RPS6KC1: variants seen among roughly 807,000 people sequenced by gnomAD.
RPS6KC1 encodes inactive ribosomal protein S6 kinase delta-1.
In RPS6KC1, 54 loss-of-function variants were observed where a neutral mutation model predicts 103.8. The observed-to-expected ratio is 0.52, with a 90% CI of 0.42 to 0.65. The LOEUF is 0.65. RPS6KC1 is among the 30% of genes least tolerant of loss of function. The pLI is 0.00. For synonymous variants in RPS6KC1, 439 were observed against 438.7 expected (o/e 1.00, Z -0.01); for missense variants, 1,151 against 1,253.8 (o/e 0.92, Z 1.24).
At chr1:213,384,282 A>AT in the RPS6KC1 span, among the ~76,000 whole-genome samples, 1,638 of 103,716 alleles carry the variant, frequency 0.016, 18 homozygotes, top group African/African-American at 0.04. Flanking sequence ...TCTCAAAAAA[A>AT]AATATATATA....
the RPS6KC1 span, among the ~76,000 whole-genome samples, chr1:213,324,816 C>T: frequency 2.6e-5 from 4 of 151,900 alleles, no homozygotes; most frequent in Non-Finnish European, 5.9e-5. Flanking sequence ...GCTAGACATT[C>T]TGCTTAGGTG....
At chr1:213,654,507 T>C in the RPS6KC1 span, among the ~76,000 whole-genome samples, 3 of 152,234 alleles carry the variant, frequency 2.0e-5, no homozygotes, top group Non-Finnish European at 4.4e-5. Flanking sequence ...CTTTAAGTAC[T>C]GAAAGTATTT....
chr1:213,227,477 C>G (rs752562685), intron 8 of RPS6KC1, among the ~76,000 whole-genome samples: 2 of 152,250 alleles, frequency 1.3e-5, no homozygotes, highest in Non-Finnish European at 2.9e-5. Flanking sequence ...GGTCAGAAGT[C>G]TGACACAGTT....
At chr1:213,194,224 G>T (rs943550735) in intron 8 of RPS6KC1, among the ~76,000 whole-genome samples, 8 of 152,040 alleles carry the variant, frequency 5.3e-5, no homozygotes, top group Non-Finnish European at 1.0e-4. Flanking sequence ...TGGTTTTCTT[G>T]TAGGCAAAGC....
At chr1:213,653,589 C>T in the RPS6KC1 span, among the ~76,000 whole-genome samples, 1 of 152,100 alleles carries the variant, frequency 6.6e-6, no homozygotes, top group African/African-American at 2.4e-5. Flanking sequence ...TTCTTAGGCT[C>T]TTTAACCTAT....
chr1:213,390,669 T>C, the RPS6KC1 span, among the ~76,000 whole-genome samples: 22 of 152,294 alleles, frequency 1.4e-4, no homozygotes, highest in East Asian at 4.3e-3. Context: ...ATTTGGTGCA[T>C]CTACCCATCT....
At chr1:213,740,541 C>T in the RPS6KC1 span, among the ~76,000 whole-genome samples, 1 of 151,964 alleles carries the variant, frequency 6.6e-6, no homozygotes, top group South Asian at 2.1e-4. Flanking sequence ...TCCTTGAAGA[C>T]ATTCACATCT....
At chr1:213,635,041 G>A in the RPS6KC1 span, among the ~76,000 whole-genome samples, 8 of 151,994 alleles carry the variant, frequency 5.3e-5, no homozygotes, top group East Asian at 1.9e-4. Flanking sequence ...ATAAATTCCC[G>A]GACACATACA....
intron 8 of RPS6KC1, among the ~76,000 whole-genome samples, chr1:213,183,690 C>T (rs1393418807): frequency 1.3e-5 from 2 of 151,878 alleles, no homozygotes; most frequent in African/African-American, 4.8e-5. Flanking sequence ...ATGATTATAT[C>T]AGAAAACAGG....
At chr1:213,630,478 A>G in the RPS6KC1 span, among the ~76,000 whole-genome samples, 1 of 151,992 alleles carries the variant, frequency 6.6e-6, no homozygotes, top group Non-Finnish European at 1.5e-5. Flanking sequence ...TTAGCCATTC[A>G]TCTAATTTTT....
intron 3 of RPS6KC1, among the ~76,000 whole-genome samples, chr1:213,096,168 C>T (rs1018160857): frequency 1.3e-5 from 2 of 152,180 alleles, no homozygotes; most frequent in African/African-American, 2.4e-5. Context: ...GCATCTTCAC[C>T]AGGAGTAGAC....
chr1:213,183,825 A>T (rs2092402441), intron 8 of RPS6KC1, among the ~76,000 whole-genome samples: 1 of 152,112 alleles, frequency 6.6e-6, no homozygotes, highest in South Asian at 2.1e-4. Context: ...GTAGACAAAA[A>T]TTTTTGCGTA....
At chr1:213,068,257 G>A (rs967608843) in intron 1 of RPS6KC1, among the ~76,000 whole-genome samples, 4 of 151,890 alleles carry the variant, frequency 2.6e-5, no homozygotes, top group South Asian at 2.1e-4. Context: ...AGGCTGAGAC[G>A]GGCAGATCAC....
At chr1:213,827,426 G>A in the RPS6KC1 span, among the ~76,000 whole-genome samples, 5 of 152,152 alleles carry the variant, frequency 3.3e-5, no homozygotes, top group East Asian at 1.9e-4. Flanking sequence ...CTCCACCCTC[G>A]CCATAGAGGG....
the RPS6KC1 span, among the ~76,000 whole-genome samples, chr1:213,612,321 A>G: frequency 2.6e-5 from 4 of 152,250 alleles, no homozygotes; most frequent in Admixed American, 2.6e-4. Context: ...TTCTATGATT[A>G]ATTACTTTAC....
intron 8 of RPS6KC1, among the ~76,000 whole-genome samples, chr1:213,181,814 G>C (rs1336494242): frequency 6.6e-6 from 1 of 152,156 alleles, no homozygotes; most frequent in East Asian, 1.9e-4. Context: ...TTGCTGACCA[G>C]CCTACCCTAA....
At chr1:213,066,493 A>T (rs1457034557) in intron 1 of RPS6KC1, among the ~76,000 whole-genome samples, 2 of 152,242 alleles carry the variant, frequency 1.3e-5, no homozygotes, top group Non-Finnish European at 2.9e-5. Flanking sequence ...AGGTAGTTTA[A>T]GTATACTTCA....
At chr1:213,406,078 G>A in the RPS6KC1 span, among the ~76,000 whole-genome samples, 2 of 152,206 alleles carry the variant, frequency 1.3e-5, no homozygotes, top group Admixed American at 1.3e-4. Context: ...GAAAACAGGA[G>A]CTGCCCAGTC....
At chr1:213,195,764 T>G (rs1213249698) in intron 8 of RPS6KC1, among the ~76,000 whole-genome samples, 1 of 152,138 alleles carries the variant, frequency 6.6e-6, no homozygotes, top group Non-Finnish European at 1.5e-5. Context: ...TCCAACTCCA[T>G]CCAGGTTGCT....
Sources: gnomAD v4.1 joint callset for allele counts (sites outside exome capture counted in the v4.1 genomes callset) on GRCh38, gnomAD v4.1.1 for gene constraint, MANE v1.5 for transcripts, NCBI Gene and HGNC (gene_info 2026-07-23, HGNC 2026-07-21) for gene names.